PTPRD: variants seen among roughly 807,000 people sequenced by gnomAD.
PTPRD encodes the protein receptor-type tyrosine-protein phosphatase delta.
PTPRD carries 34 observed loss-of-function variants against 214.5 expected under a neutral mutation model. That is an observed-to-expected ratio of 0.16 (90% CI 0.12 to 0.21). The LOEUF (loss-of-function observed/expected upper bound fraction) is 0.21. Among genes scored for constraint, PTPRD ranks in the 10% least tolerant of loss-of-function variants. PTPRD has a pLI of 1.00. For synonymous variants in PTPRD, 1,128 were observed against 845.7 expected, an observed-to-expected ratio of 1.33 and a Z score of -5.79; for missense variants, 2,545 against 2,398.7, an observed-to-expected ratio of 1.06 and a Z score of -1.27.
intron 10 of PTPRD, among the ~76,000 whole-genome samples, chr9:9,129,161 G>A (rs999288713): frequency 7.2e-5 from 11 of 152,238 alleles, no homozygotes; most frequent in Admixed American, 5.2e-4. Context: ...AGGCCGAGGC[G>A]GGTTGATCAC....
chr9:8,606,989 G>C (rs2095248729), intron 14 of PTPRD, among the ~76,000 whole-genome samples: 1 of 152,154 alleles, frequency 6.6e-6, no homozygotes, highest in African/African-American at 2.4e-5. Context: ...GGGGGCTGGA[G>C]CAGACACATA....
At chr9:9,104,553 C>T (rs1355322146) in intron 10 of PTPRD, among the ~76,000 whole-genome samples, 1 of 152,168 alleles carries the variant, frequency 6.6e-6, no homozygotes, top group African/African-American at 2.4e-5. Context: ...CTCAAGCCCA[C>T]TGTAATTTTC....
At chr9:9,448,633 T>C (rs539277096) in intron 8 of PTPRD, among the ~76,000 whole-genome samples, 1 of 152,020 alleles carries the variant, frequency 6.6e-6, no homozygotes, top group Non-Finnish European at 1.5e-5. Context: ...AAGCATTCAC[T>C]GGATGCCCTG....
intron 9 of PTPRD, among the ~76,000 whole-genome samples, chr9:9,389,253 G>C (rs978127848): frequency 6.6e-6 from 1 of 152,184 alleles, no homozygotes; most frequent in Non-Finnish European, 1.5e-5. Context: ...GCTCACGCCT[G>C]TAATTCCACC....
At chr9:9,775,578 A>G (rs1250507894) in intron 5 of PTPRD, among the ~76,000 whole-genome samples, 1 of 152,200 alleles carries the variant, frequency 6.6e-6, no homozygotes, top group African/African-American at 2.4e-5. Context: ...TAGAATTCCT[A>G]ATTGATCTCC....
At chr9:9,688,236 G>A (rs2097200106) in intron 7 of PTPRD, among the ~76,000 whole-genome samples, 1 of 151,612 alleles carries the variant, frequency 6.6e-6, no homozygotes, top group South Asian at 2.1e-4. Flanking sequence ...TATATAAGCT[G>A]GCCTTTTAAA....
intron 10 of PTPRD, among the ~76,000 whole-genome samples, chr9:9,147,028 T>C (rs1338540916): frequency 1.3e-5 from 2 of 152,272 alleles, no homozygotes; most frequent in Middle Eastern, 3.4e-3. Context: ...CCAGTGTGTG[T>C]ATATAGATAG....
At chr9:8,521,036 T>C (rs967115334) in intron 20 of PTPRD, among the ~76,000 whole-genome samples, 47 of 152,146 alleles carry the variant, frequency 3.1e-4, no homozygotes, top group African/African-American at 1.1e-3. Context: ...TGGGCCTCCA[T>C]GGACTGTCTT....
intron 7 of PTPRD, among the ~76,000 whole-genome samples, chr9:9,701,553 T>C (rs534108792): frequency 6.6e-6 from 1 of 152,338 alleles, no homozygotes; most frequent in East Asian, 1.9e-4. Context: ...AAGGCATTGA[T>C]GACCATTTTG....
At chr9:9,051,096 T>C (rs927289609) in intron 10 of PTPRD, among the ~76,000 whole-genome samples, 3 of 152,182 alleles carry the variant, frequency 2.0e-5, no homozygotes, top group Non-Finnish European at 2.9e-5. Context: ...GGCTATTATA[T>C]AGTCTTCCAG....
chr9:8,319,780 C>A (rs1825530321), intron 45 of PTPRD, 51 bp downstream of exon 45: 1 of 1,607,954 alleles, frequency 6.2e-7, no homozygotes, highest in Non-Finnish European at 8.5e-7. Flanking sequence ...GAGGTCCAGG[C>A]TAGCAAAACG....
chr9:9,506,814 C>T (rs962109207), intron 8 of PTPRD, among the ~76,000 whole-genome samples: 1 of 151,188 alleles, frequency 6.6e-6, no homozygotes, highest in Non-Finnish European at 1.5e-5. Flanking sequence ...TAGTTGAGTC[C>T]TCTGAATGAA....
chr9:8,550,733 C>T (rs1254194732), intron 14 of PTPRD, among the ~76,000 whole-genome samples: 1 of 152,196 alleles, frequency 6.6e-6, no homozygotes, highest in East Asian at 1.9e-4. Flanking sequence ...CCTAAGATTT[C>T]TTAATAGATC....
intron 4 of PTPRD, among the ~76,000 whole-genome samples, chr9:9,956,905 A>G (rs1355032763): frequency 1.3e-5 from 2 of 152,182 alleles, no homozygotes; most frequent in Non-Finnish European, 2.9e-5. Context: ...ATATTAGATG[A>G]AAAGAAAAGA....
intron 9 of PTPRD, among the ~76,000 whole-genome samples, chr9:9,357,708 T>C (rs1158969048): frequency 7.3e-6 from 1 of 137,098 alleles, no homozygotes; most frequent in Non-Finnish European, 1.5e-5. Context: ...TCAATAGTTT[T>C]TAAAATAAAA....
chr9:10,551,272 C>T (rs966873338), intron 2 of PTPRD, among the ~76,000 whole-genome samples: 2 of 152,048 alleles, frequency 1.3e-5, no homozygotes, highest in Admixed American at 1.3e-4. Flanking sequence ...CCAGAGGTTC[C>T]AGGTTACAGT....
At chr9:9,456,956 A>G (rs555864956) in intron 8 of PTPRD, among the ~76,000 whole-genome samples, 3 of 151,998 alleles carry the variant, frequency 2.0e-5, no homozygotes, top group Non-Finnish European at 4.4e-5. Flanking sequence ...AGACACCACA[A>G]TATCACAGAA....
At position 9,813,203 on chromosome 9, in the gene PTPRD, A is replaced by T. The variant is rs187713577; in HGVS notation, c.-367-46352T>A. ...ATGCTTACATTTATTAATAATAAAGATCTCAAATAAGCAACCTAATTTTAC... is the reference window on the plus strand; with the variant it reads ...ATGCTTACATTTATTAATAATAAAGTTCTCAAATAAGCAACCTAATTTTAC... On this transcript the variant is annotated intron_variant, in intron 5 of 45. Transcript: ENST00000381196. 5.5e-3 allele frequency among the ~76,000 whole-genome samples: 840 copies of T among 152,148 alleles called. 6 individuals carry two copies. Among genetic ancestry groups the T allele is most frequent in the Non-Finnish European group, 7.6e-3 (516 of 67,920 alleles).
intron 11 of PTPRD, among the ~76,000 whole-genome samples, chr9:8,941,966 C>G (rs980342041): frequency 1.3e-5 from 2 of 152,064 alleles, no homozygotes; most frequent in African/African-American, 4.8e-5. Context: ...CTACCATGCC[C>G]AGCTAATTTT....
Sources: allele counts gnomAD v4.1 joint callset (sites outside exome capture counted in the v4.1 genomes callset), GRCh38; gene constraint gnomAD v4.1.1; transcripts MANE v1.5; gene names NCBI Gene and HGNC (gene_info 2026-07-23, HGNC 2026-07-21).